The following FGD3 variants were observed in gnomAD, a reference collection of about 807,000 sequenced individuals.
FGD3 encodes FYVE, RhoGEF and PH domain containing 3.
A neutral mutation model predicts 71.8 loss-of-function variants in FGD3; 45 were observed. That is an observed-to-expected ratio of 0.63 (90% confidence interval 0.49 to 0.80). The LOEUF is 0.80. FGD3 is among the 30% of genes least tolerant of loss of function. The pLI is 0.00. For missense variants in FGD3, 844 were observed against 951.5 expected, an observed-to-expected ratio of 0.89 and a Z score of 1.49; for synonymous variants, 378 against 392.8, an observed-to-expected ratio of 0.96 and a Z score of 0.44.
rs756157681 is a variant in FGD3, at chr9:92,976,633, C to T, written c.377C>T (p.Ala126Val). 9.9e-6 allele frequency: 16 copies of T among 1,612,600 alleles called. No homozygotes were observed. The highest frequency in any genetic ancestry group is 2.2e-5 in the East Asian group (1 of 44,866). The change falls in exon 3 of 18, where the codon GCG becomes GTG. Residue 126 changes from alanine to valine, a missense_variant. Transcript: ENST00000375482. ...CCGAAGGTCACCCCCCAGGAGGAGG[C>T]GGACAGCGACGTGGGTGAGGAACCT... ...QVPKVTPQEE[A>V]DSDVGEEPDS... is the part of the protein sequence containing the mutation.
rs535210968 is a variant in FGD3, at chr9:92,949,908, A to G, written c.-218+2179A>G. On this transcript the variant is annotated intron_variant, in intron 1 of 17. Coordinates refer to ENST00000375482, the MANE Select transcript of FGD3 (RefSeq NM_001083536.2). ...CGGCAGAGGCTCAACTAACCAACCAACTAACCAACAGCTGACCAACTAACC... is the reference window on the plus strand; with the variant it reads ...CGGCAGAGGCTCAACTAACCAACCAGCTAACCAACAGCTGACCAACTAACC... Among the ~76,000 whole-genome samples the G allele has an allele frequency of 4.1e-4, 62 of 152,188 alleles. 1 individual carries two copies. The highest frequency in any genetic ancestry group is 1.4e-3 in the African/African-American group (58 of 41,542).
At chr9:92,954,692 C>A (rs1859016877) in intron 1 of FGD3, among the ~76,000 whole-genome samples, 1 of 152,178 alleles carries the variant, frequency 6.6e-6, no homozygotes, top group Non-Finnish European at 1.5e-5. Flanking sequence ...CGCACTTTGG[C>A]CTCTCTGAAC....
intron 10 of FGD3, among the ~76,000 whole-genome samples, chr9:93,016,387 G>C (rs1208587448): frequency 7.2e-6 from 1 of 138,468 alleles, no homozygotes; most frequent in Non-Finnish European, 1.5e-5. Context: ...ACCCAGGCTG[G>C]AGTGCAATGG....
At chr9:92,962,292 T>C (rs1472925075) in intron 1 of FGD3, among the ~76,000 whole-genome samples, 1 of 152,246 alleles carries the variant, frequency 6.6e-6, no homozygotes, top group African/African-American at 2.4e-5. Flanking sequence ...ACGACAGTTG[T>C]GTATTCCTAG....
At chr9:93,023,795 C>CCTTTTTTTTTTTTTTTTT (rs1862017356) in intron 14 of FGD3, among the ~76,000 whole-genome samples, 13 of 107,688 alleles carry the variant, frequency 1.2e-4, no homozygotes, top group African/African-American at 4.3e-4. Flanking sequence ...CCATCAGCAA[C>CCTTTTTTTTTTTTTTTTT]TTTTTTTTTT....
At chr9:92,949,745 A>G (rs990250786) in intron 1 of FGD3, among the ~76,000 whole-genome samples, 2 of 152,160 alleles carry the variant, frequency 1.3e-5, no homozygotes, top group Non-Finnish European at 2.9e-5. Context: ...GAAATGTGCC[A>G]GGAAGGACAG....
intron 3 of FGD3, among the ~76,000 whole-genome samples, chr9:92,981,866 T>C (rs1306632873): frequency 6.6e-6 from 1 of 152,194 alleles, no homozygotes; most frequent in African/African-American, 2.4e-5. Flanking sequence ...AAGTGACAGA[T>C]ACTAGCTGTA....
At position 92,976,419 on chromosome 9, in the gene FGD3, G is replaced by C. The variant is rs563753324; in HGVS notation, c.163G>C (p.Gly55Arg). The C allele has an allele frequency of 3.7e-6, 6 of 1,611,596 alleles. No homozygotes were observed. Among genetic ancestry groups the C allele is most frequent in the Admixed American group, 3.3e-5 (2 of 59,736 alleles). ...DPVSLAAAGDGSPDIGPTGEL... is the reference protein window; with the variant it reads ...DPVSLAAAGDRSPDIGPTGEL... ...TGTCAGCCTGGCTGCAGCAGGGGAC[G>C]GCTCTCCAGACATAGGCCCCACGGG... The change falls in exon 3 of 18, where the codon GGC (glycine) becomes CGC (arginine). Residue 55 changes from glycine (G) to arginine (R), a missense_variant. Transcript: ENST00000375482.
intron 3 of FGD3, among the ~76,000 whole-genome samples, chr9:92,981,368 C>CAAAAAAAAAA (rs11454338): frequency 6.3e-5 from 7 of 111,666 alleles, no homozygotes; most frequent in African/African-American, 1.0e-4. Flanking sequence ...ATTCCATCTC[C>CAAAAAAAAAA]AAAAAAAAAA....
chr9:92,954,604 C>T (rs1364263731), intron 1 of FGD3, among the ~76,000 whole-genome samples: 2 of 152,190 alleles, frequency 1.3e-5, no homozygotes, highest in African/African-American at 2.4e-5. Context: ...AGAGCTGCTC[C>T]TTCCTCAGGG....
chr9:92,953,550 C>T (rs923408598), intron 1 of FGD3, among the ~76,000 whole-genome samples: 2 of 152,238 alleles, frequency 1.3e-5, no homozygotes, highest in Non-Finnish European at 2.9e-5. Flanking sequence ...ATTTTACACA[C>T]ATTTTCCCAG....
rs1169367770 is a variant in FGD3 at position 93,003,241 on chromosome 9, G to C, written c.543+227G>C. ...CCTCTCCAGTTCAAGCAATTCTCCT[G>C]TCTCAGCCTCCCGAGTAGCTGGGAC... On this transcript the variant is annotated intron_variant, in intron 4 of 17. Transcript: ENST00000375482. The surrounding 1 kb of genome is among the most constrained non-coding windows in gnomAD (Gnocchi z 4.1). Among the ~76,000 whole-genome samples, 1 of 151,802 alleles carries C rather than the reference G, an allele frequency of 6.6e-6. No homozygotes were observed. The highest frequency in any genetic ancestry group is 2.4e-5 in the African/African-American group (1 of 41,314).
intron 1 of FGD3, among the ~76,000 whole-genome samples, chr9:92,968,151 C>A (rs908420881): frequency 6.6e-6 from 1 of 152,154 alleles, no homozygotes. Flanking sequence ...GTAGATACCC[C>A]CCGCCCACCA....
At chr9:92,964,347 A>G (rs1859237404) in intron 1 of FGD3, 1 of 152,248 alleles carries the variant, frequency 6.6e-6, no homozygotes, top group African/African-American at 2.4e-5. Flanking sequence ...TCGCCTTCAG[A>G]AGACAGGTGA....
At chr9:93,029,013 T>TTTG in intron 14 of FGD3, among the ~76,000 whole-genome samples, 1 of 121,336 alleles carries the variant, frequency 8.2e-6, no homozygotes, top group Non-Finnish European at 1.7e-5. Context: ...TTTTTTTTTT[T>TTTG]TTTTTTTTTT....
At chr9:93,028,214 ACACG>A (rs1554740282) in intron 14 of FGD3, among the ~76,000 whole-genome samples, 6 of 88,702 alleles carry the variant, frequency 6.8e-5, no homozygotes, top group East Asian at 6.2e-4. Context: ...ACACACACAC[ACACG>A]CACACACACA....
intron 3 of FGD3, among the ~76,000 whole-genome samples, chr9:92,993,948 C>A (rs1219293540): frequency 6.6e-6 from 1 of 152,140 alleles, no homozygotes; most frequent in Non-Finnish European, 1.5e-5. Context: ...GTCTTTATAG[C>A]AGCGTGATTT....
chr9:93,011,472 A>G (rs1861375792), intron 8 of FGD3, among the ~76,000 whole-genome samples, 200 bp downstream of exon 8: 1 of 152,174 alleles, frequency 6.6e-6, no homozygotes, highest in Non-Finnish European at 1.5e-5. Flanking sequence ...GTCCTTGGTG[A>G]GTTATTTAGC....
intron 15 of FGD3, among the ~76,000 whole-genome samples, chr9:93,031,123 A>G (rs1312702538): frequency 1.3e-5 from 2 of 152,042 alleles, no homozygotes; most frequent in Non-Finnish European, 2.9e-5. Context: ...TGATGGATGG[A>G]TGAATGTATG....
Sources: allele counts gnomAD v4.1 joint callset (sites outside exome capture counted in the v4.1 genomes callset), GRCh38; gene constraint gnomAD v4.1.1; non-coding constraint Gnocchi (gnomAD v3.1); transcripts MANE v1.5; gene names NCBI Gene and HGNC (gene_info 2026-07-23, HGNC 2026-07-21).